CD1B: variants seen among roughly 807,000 people sequenced by gnomAD.
CD1B encodes the protein CD1b molecule, also known as T-cell surface glycoprotein CD1b.
A neutral mutation model predicts 39.8 loss-of-function variants in CD1B; 43 were observed. That is an observed-to-expected ratio of 1.08 (90% CI 0.85 to 1.39). The LOEUF is 1.39. Ranked by LOEUF, CD1B falls within the 40% of genes most tolerant of loss-of-function variation. CD1B has a pLI of 0.00. For missense variants in CD1B, 495 were observed against 403.8 expected (o/e 1.23, Z -1.94); for synonymous variants, 192 against 152.5 (o/e 1.26, Z -1.91).
At position 158,330,891 on chromosome 1, in the gene CD1B, T is replaced by A. The variant is rs767171448; in HGVS notation, c.233A>T (p.Asp78Val). 2 of 1,614,002 alleles carry A rather than the reference T, an allele frequency of 1.2e-6. No homozygotes were observed. Among genetic ancestry groups the A allele is most frequent in the South Asian group, 1.1e-5 (1 of 91,086 alleles). The change falls in exon 2 of 6, where the codon GAT becomes GTT. Residue 78 changes from aspartate (D) to valine (V), a missense_variant. Coordinates refer to ENST00000368168, the MANE Select transcript of CD1B (RefSeq NM_001764.3). Reference protein sequence around the residue: ...LKPWSKGNFSDKEVAELEEIF... With the variant: ...LKPWSKGNFSVKEVAELEEIF... ...CTCCTCTAACTCAGCAACCTCCTTA[T>A]CACTAAAGTTACCTTTAGACCAAGG...
chr1:158,292,051 TGAAC>T, the CD1B span: 12 of 1,578,708 alleles, frequency 7.6e-6, no homozygotes, highest in Admixed American at 1.3e-4. Context: ...CTTTTTTGTT[TGAAC>T]TCTTTTTCTC....
chr1:158,306,283 G>T, the CD1B span, among the ~76,000 whole-genome samples: 3 of 152,132 alleles, frequency 2.0e-5, no homozygotes, highest in Admixed American at 2.0e-4. Context: ...TGCAAACCTA[G>T]TCTCTGATAA....
chr1:158,304,067 T>G, the CD1B span, among the ~76,000 whole-genome samples: 3 of 151,894 alleles, frequency 2.0e-5, no homozygotes, highest in African/African-American at 7.3e-5. Flanking sequence ...CCGGCTCATC[T>G]CACTGAGGAG....
At chr1:158,323,978 A>G (rs955175958), downstream of CD1B, among the ~76,000 whole-genome samples, 2 of 152,150 alleles carry the variant, frequency 1.3e-5, no homozygotes, top group African/African-American at 2.4e-5. Context: ...TGGCTATGAG[A>G]TAAGGGTAAG....
chr1:158,289,788 G>A, the CD1B span: 2 of 360,486 alleles, frequency 5.5e-6, no homozygotes, highest in Non-Finnish European at 1.0e-5. Flanking sequence ...TTTGTCTAAG[G>A]CAGTTGAGGA....
chr1:158,324,862 G>A (rs1652292948), downstream of CD1B, among the ~76,000 whole-genome samples: 1 of 152,102 alleles, frequency 6.6e-6, no homozygotes, highest in East Asian at 1.9e-4. Flanking sequence ...TATTGATGGA[G>A]CTCAGGAAGA....
the CD1B span, among the ~76,000 whole-genome samples, chr1:158,301,257 G>A: frequency 6.6e-6 from 1 of 152,046 alleles, no homozygotes; most frequent in Non-Finnish European, 1.5e-5. Context: ...TTGTCAGTCT[G>A]TGTCTTTTAA....
downstream of CD1B, among the ~76,000 whole-genome samples, chr1:158,326,510 A>G (rs960156815): frequency 2.0e-5 from 3 of 152,204 alleles, no homozygotes; most frequent in Non-Finnish European, 4.4e-5. Context: ...TTAATGAATA[A>G]ACTGTAAAAA....
At chr1:158,312,012 C>T in the CD1B span, among the ~76,000 whole-genome samples, 9 of 152,200 alleles carry the variant, frequency 5.9e-5, no homozygotes, top group South Asian at 1.7e-3. Context: ...TTAGAATCAT[C>T]TTTTCTATTT....
chr1:158,304,148 C>G, the CD1B span, among the ~76,000 whole-genome samples: 1 of 152,236 alleles, frequency 6.6e-6, no homozygotes, highest in African/African-American at 2.4e-5. Context: ...GAGGCATCGC[C>G]TCACCTGGGA....
the CD1B span, among the ~76,000 whole-genome samples, chr1:158,295,587 T>C: frequency 1.3e-5 from 2 of 152,156 alleles, no homozygotes; most frequent in African/African-American, 4.8e-5. Context: ...AGGATTGGCA[T>C]GCTCCTCTAG....
downstream of CD1B, among the ~76,000 whole-genome samples, chr1:158,327,329 C>T (rs1652391979): frequency 6.6e-6 from 1 of 152,166 alleles, no homozygotes; most frequent in Non-Finnish European, 1.5e-5. Context: ...CTGGCTTCAC[C>T]TCTCACTATG....
the CD1B span, among the ~76,000 whole-genome samples, chr1:158,306,221 A>G: frequency 6.6e-6 from 1 of 152,238 alleles, no homozygotes; most frequent in East Asian, 1.9e-4. Flanking sequence ...CTCAAAATAA[A>G]GGGATGGAGG....
rs1428634086 is a variant in CD1B at position 158,331,418 on chromosome 1, C to T, written c.6G>A (p.Leu2=). 1 of 1,613,702 alleles carries T rather than the reference C, an allele frequency of 6.2e-7. No homozygotes were observed. Among genetic ancestry groups the T allele is most frequent in the Admixed American group, 1.7e-5 (1 of 59,996 alleles). M[L]LLPFQLLAVL... ...CAGCTAACAGTTGAAATGGCAGCAG[C>T]AGCATTTCACTGGGAGATGCAACTT... Residue 2 remains leucine (L), a synonymous_variant, in exon 1 of 6, where the codon CTG becomes CTA. Transcript: ENST00000368168.
the CD1B span, chr1:158,291,476 G>T: frequency 6.7e-7 from 1 of 1,491,488 alleles, no homozygotes; most frequent in South Asian, 1.2e-5. Context: ...CTAATTTTTG[G>T]GCCATTTCCC....
At chr1:158,287,144 G>A in the CD1B span, among the ~76,000 whole-genome samples, 5 of 152,290 alleles carry the variant, frequency 3.3e-5, no homozygotes, top group African/African-American at 1.2e-4. Context: ...ACAACAGGAA[G>A]TTATTCTCTC....
At chr1:158,304,511 G>A in the CD1B span, among the ~76,000 whole-genome samples, 1 of 152,186 alleles carries the variant, frequency 6.6e-6, no homozygotes, top group South Asian at 2.1e-4. Flanking sequence ...CATGTCTGGG[G>A]GCAGGGCACA....
chr1:158,289,860 A>G, the CD1B span: 8 of 513,706 alleles, frequency 1.6e-5, no homozygotes, highest in Non-Finnish European at 2.4e-5. Flanking sequence ...GAAGAGAATA[A>G]CTTTAGTTCA....
At chr1:158,328,571 T>C (rs1269623031) in intron 5 of CD1B, among the ~76,000 whole-genome samples, 1 of 152,156 alleles carries the variant, frequency 6.6e-6, no homozygotes. Flanking sequence ...TGTAGAGCTG[T>C]CCTAACCAGG....
Sources: gnomAD v4.1 joint callset for allele counts (sites outside exome capture counted in the v4.1 genomes callset) on GRCh38, gnomAD v4.1.1 for gene constraint, MANE v1.5 for transcripts, NCBI Gene and HGNC (gene_info 2026-07-23, HGNC 2026-07-21) for gene names.